Variants in NPAS3 observed in about 807,000 individuals in gnomAD.
NPAS3 encodes neuronal PAS domain-containing protein 3.
In NPAS3, 14 loss-of-function variants were observed where a neutral mutation model predicts 73.1. The observed-to-expected ratio is 0.19, with a 90% CI of 0.13 to 0.30. The LOEUF (loss-of-function observed/expected upper bound fraction) is 0.30. Among genes scored for constraint, NPAS3 ranks in the 10% least tolerant of loss-of-function variants. The pLI is 1.00. For missense variants in NPAS3, 1,096 were observed against 1,250.0 expected (o/e 0.88, Z 1.86); for synonymous variants, 620 against 541.5 (o/e 1.14, Z -2.01).
rs929746952 is a variant in NPAS3, at chr14:33,295,929, A to G, written c.386-71257A>G. Among the ~76,000 whole-genome samples, 6 of 152,364 alleles carry G rather than the reference A, an allele frequency of 3.9e-5. No individual in the cohort carries two copies. The East Asian group carries it at 7.7e-4, about 20-fold the overall frequency. On this transcript the variant is annotated intron_variant, in intron 3 of 11. Coordinates refer to ENST00000356141, the Ensembl canonical transcript of NPAS3. ...TAAGACTTTAATATGGTACCCCTGT[A>G]TAAATGTAAGAAAGTTAACTCATTA...
chr14:33,088,017 C>T (rs762534878), intron 2 of NPAS3, among the ~76,000 whole-genome samples: 2 of 152,176 alleles, frequency 1.3e-5, no homozygotes, highest in Admixed American at 6.5e-5. Context: ...TGATTTGAAC[C>T]AGAGAAGACA....
chr14:33,235,805 C>CTTTTT (rs35968798), intron 3 of NPAS3, among the ~76,000 whole-genome samples: 929 of 80,620 alleles, frequency 0.012, 77 homozygotes, highest in Non-Finnish European at 0.016. Flanking sequence ...TGATACAATT[C>CTTTTT]TTTTTTTTTT....
At chr14:33,640,225 C>T (rs1016849771) in intron 5 of NPAS3, among the ~76,000 whole-genome samples, 2 of 151,924 alleles carry the variant, frequency 1.3e-5, no homozygotes, top group Admixed American at 1.3e-4. Context: ...ATAATATTTA[C>T]AAACGTGACT....
chr14:33,361,082 G>A (rs765722185), intron 3 of NPAS3, among the ~76,000 whole-genome samples: 1 of 152,168 alleles, frequency 6.6e-6, no homozygotes, highest in Admixed American at 6.5e-5. Flanking sequence ...GTAACTACCA[G>A]ATTGTTGGAG....
intron 10 of NPAS3, 125 bp downstream of exon 10, chr14:33,794,169 A>G: frequency 1.3e-6 from 1 of 790,230 alleles, no homozygotes; most frequent in Non-Finnish European, 2.0e-6. Flanking sequence ...GTGGAATTTC[A>G]TGGCAATTCT....
chr14:33,464,721 T>C (rs1013599577), intron 4 of NPAS3, among the ~76,000 whole-genome samples: 1 of 152,220 alleles, frequency 6.6e-6, no homozygotes, highest in African/African-American at 2.4e-5. Context: ...AGGATTGTTC[T>C]TTGATTTATG....
At chr14:33,433,710 T>C (rs2048870077) in intron 4 of NPAS3, among the ~76,000 whole-genome samples, 1 of 152,218 alleles carries the variant, frequency 6.6e-6, no homozygotes, top group South Asian at 2.1e-4. Flanking sequence ...GTGTGATAAT[T>C]GTTTTAGGCA....
At chr14:33,284,074 A>G (rs1250318431) in intron 3 of NPAS3, among the ~76,000 whole-genome samples, 24 of 152,120 alleles carry the variant, frequency 1.6e-4, no homozygotes, top group Admixed American at 1.6e-3. Flanking sequence ...ATCATGCTAT[A>G]TTGTTTGCAT....
At chr14:33,746,269 A>G (rs946668025) in intron 7 of NPAS3, among the ~76,000 whole-genome samples, 1 of 150,814 alleles carries the variant, frequency 6.6e-6, no homozygotes, top group Non-Finnish European at 1.5e-5. Flanking sequence ...GCTCACTGCA[A>G]CCTCTGCTTC....
chr14:33,219,487 C>A (rs1343803281), intron 3 of NPAS3, among the ~76,000 whole-genome samples: 1 of 152,130 alleles, frequency 6.6e-6, no homozygotes, highest in Non-Finnish European at 1.5e-5. Context: ...ATAAGAAATT[C>A]TTAGTCTTTG....
rs547102665 is a variant in NPAS3 at position 33,287,529 on chromosome 14, C to G, written c.385+72103C>G. 3.9e-5 allele frequency among the ~76,000 whole-genome samples: 6 copies of G among 152,262 alleles called. No homozygotes were observed. In the South Asian group the frequency reaches 1.2e-3, roughly 32 times the overall value. ...TGGCTGCTGTTACCTACTCCATGCC[C>G]TCCTTGTTTACTTACCTCATTTCTT... is the stretch of plus-strand genomic sequence containing the variant. On this transcript the variant is annotated intron_variant, in intron 3 of 11. Coordinates refer to ENST00000356141, the Ensembl canonical transcript of NPAS3.
chr14:33,310,975 A>G (rs1347331296), intron 3 of NPAS3, among the ~76,000 whole-genome samples: 1 of 152,044 alleles, frequency 6.6e-6, no homozygotes, highest in African/African-American at 2.4e-5. Flanking sequence ...TAGATTTTGA[A>G]CTCACTGATG....
chr14:33,572,887 G>T (rs1166557245), intron 5 of NPAS3, among the ~76,000 whole-genome samples: 1 of 151,920 alleles, frequency 6.6e-6, no homozygotes, highest in Non-Finnish European at 1.5e-5. Flanking sequence ...GCCAGGTGTG[G>T]TGGCGGGTGC....
At chr14:33,296,085 A>G (rs2042286073) in intron 3 of NPAS3, among the ~76,000 whole-genome samples, 1 of 152,226 alleles carries the variant, frequency 6.6e-6, no homozygotes, top group Non-Finnish European at 1.5e-5. Flanking sequence ...TCCCTGAAAC[A>G]AAACAGAAAA....
intron 6 of NPAS3, among the ~76,000 whole-genome samples, chr14:33,721,550 A>G (rs994198344): frequency 6.6e-6 from 1 of 152,232 alleles, no homozygotes; most frequent in African/African-American, 2.4e-5. Flanking sequence ...CCATGCAGAC[A>G]GTTAACATTA....
At chr14:33,647,731 A>C (rs1435042146) in intron 5 of NPAS3, among the ~76,000 whole-genome samples, 1 of 152,124 alleles carries the variant, frequency 6.6e-6, no homozygotes, top group African/African-American at 2.4e-5. Flanking sequence ...CTCAGTCCTG[A>C]ATCACAAAAT....
intron 5 of NPAS3, among the ~76,000 whole-genome samples, chr14:33,649,268 G>A (rs1211989776): frequency 6.6e-6 from 1 of 152,182 alleles, no homozygotes; most frequent in Non-Finnish European, 1.5e-5. Flanking sequence ...ACTGAAATAA[G>A]GCACTTACAG....
intron 4 of NPAS3, among the ~76,000 whole-genome samples, chr14:33,437,428 A>G (rs1281130081): frequency 6.6e-6 from 1 of 152,198 alleles, no homozygotes; most frequent in Non-Finnish European, 1.5e-5. Flanking sequence ...GACATGACTT[A>G]TAATTGAAAC....
chr14:33,226,525 T>G (rs1025774548), intron 3 of NPAS3, among the ~76,000 whole-genome samples: 6 of 152,180 alleles, frequency 3.9e-5, no homozygotes, highest in African/African-American at 1.4e-4. Context: ...ATTTAACATA[T>G]CTCCAAAACC....
Sources: gnomAD v4.1 joint callset for allele counts (sites outside exome capture counted in the v4.1 genomes callset) on GRCh38, gnomAD v4.1.1 for gene constraint, MANE v1.5 for transcripts, NCBI Gene and HGNC (gene_info 2026-07-23, HGNC 2026-07-21) for gene names.